The following AGTPBP1 variants were observed in gnomAD, a reference collection of about 807,000 sequenced individuals.
AGTPBP1 encodes cytosolic carboxypeptidase 1.
Under a neutral mutation model 143.9 loss-of-function variants are expected in AGTPBP1, and 70 were observed. The ratio of observed to expected loss-of-function variants is 0.49; its 90% CI spans 0.40 to 0.59. The LOEUF (loss-of-function observed/expected upper bound fraction) is 0.59, where lower values mean the gene tolerates loss of function less well. AGTPBP1 is among the 20% of genes least tolerant of loss of function. The pLI is 0.00. For synonymous variants in AGTPBP1, 463 were observed against 500.2 expected, an observed-to-expected ratio of 0.93 and a Z score of 0.99; for missense variants, 1,229 against 1,464.5, an observed-to-expected ratio of 0.84 and a Z score of 2.62.
At chr9:85,667,482 A>T (rs1834196677) in intron 8 of AGTPBP1, among the ~76,000 whole-genome samples, 1 of 152,176 alleles carries the variant, frequency 6.6e-6, no homozygotes, top group South Asian at 2.1e-4. Flanking sequence ...ATGAAATAAC[A>T]GATACAGGCA....
intron 8 of AGTPBP1, 49 bp downstream of exon 8, chr9:85,669,436 C>T: frequency 8.4e-7 from 1 of 1,193,918 alleles, no homozygotes; most frequent in Non-Finnish European, 1.2e-6. Flanking sequence ...TAATGAGGCC[C>T]AGAGTAACAA....
At chr9:85,765,209 G>C in the AGTPBP1 span, 1 of 254,428 alleles carries the variant, frequency 3.9e-6, no homozygotes. Flanking sequence ...CTCAGCTGGG[G>C]TTTCTCGTCT....
chr9:85,774,099 A>G, the AGTPBP1 span: 22 of 1,119,402 alleles, frequency 2.0e-5, no homozygotes, highest in South Asian at 2.6e-4. Context: ...GAAGGAAGAT[A>G]GGACAGAATT....
intron 25 of AGTPBP1, among the ~76,000 whole-genome samples, chr9:85,552,200 G>A (rs1826074476): frequency 6.6e-6 from 1 of 152,174 alleles, no homozygotes. Context: ...TTTCTGACAG[G>A]ATGAATGCAT....
Position 85,642,962 on chromosome 9 carries a change from T to C in AGTPBP1, c.1186-19A>G. On this transcript the variant is annotated intron_variant, in intron 12 of 25. Coordinates refer to ENST00000357081, the MANE Select transcript of AGTPBP1 (RefSeq NM_001330701.2). ...CATCATTCTGAAATGATAAAAAGAG[T>C]ATGTTATCAGGTAAAACAAAATTTT... 6.4e-7 allele frequency: 1 copy of C among 1,568,602 alleles called. No homozygotes were observed. The highest frequency in any genetic ancestry group is 8.7e-7 in the Non-Finnish European group (1 of 1,145,042).
chr9:85,564,372 C>T (rs1826942826), intron 25 of AGTPBP1, among the ~76,000 whole-genome samples: 1 of 152,320 alleles, frequency 6.6e-6, no homozygotes, highest in East Asian at 1.9e-4. Context: ...TTAGAAGCAC[C>T]TAACTTGGTT....
At chr9:85,767,031 A>T in the AGTPBP1 span, among the ~76,000 whole-genome samples, 1 of 151,278 alleles carries the variant, frequency 6.6e-6, no homozygotes, top group African/African-American at 2.4e-5. Flanking sequence ...TTTTTGGTAA[A>T]ATCCAGAAAC....
At chr9:85,617,759 G>A (rs945515476) in intron 17 of AGTPBP1, among the ~76,000 whole-genome samples, 2 of 151,954 alleles carry the variant, frequency 1.3e-5, no homozygotes, top group East Asian at 3.9e-4. Context: ...ATCATTAGCA[G>A]GAATTAATTA....
intron 1 of AGTPBP1, among the ~76,000 whole-genome samples, chr9:85,712,936 T>G (rs1837473628): frequency 6.6e-6 from 1 of 152,216 alleles, no homozygotes; most frequent in African/African-American, 2.4e-5. Flanking sequence ...ATTAGTGCAC[T>G]TACTGTACAC....
At chr9:85,570,404 G>A (rs888925591) in intron 25 of AGTPBP1, among the ~76,000 whole-genome samples, 3 of 152,090 alleles carry the variant, frequency 2.0e-5, no homozygotes, top group East Asian at 1.9e-4. Context: ...TTTCCTTCAC[G>A]TTCAGCTGCT....
the AGTPBP1 span, chr9:85,791,445 C>T: frequency 1.3e-5 from 2 of 152,060 alleles, no homozygotes; most frequent in Non-Finnish European, 2.9e-5. Context: ...GGACCCCACA[C>T]CACACTTACC....
At chr9:85,753,239 T>A in the AGTPBP1 span, 11 of 1,538,630 alleles carry the variant, frequency 7.1e-6, no homozygotes, top group Middle Eastern at 1.8e-4. Context: ...AAAAAAAAAA[T>A]TGTCATCAGT....
chr9:85,716,576 A>C (rs190190537), intron 1 of AGTPBP1, among the ~76,000 whole-genome samples: 1 of 152,156 alleles, frequency 6.6e-6, no homozygotes, highest in African/African-American at 2.4e-5. Flanking sequence ...CTCCTGTCCC[A>C]CATCCAATAC....
the AGTPBP1 span, among the ~76,000 whole-genome samples, chr9:85,769,520 CAAAAAA>C: frequency 0.027 from 1,633 of 60,882 alleles, 21 homozygotes; most frequent in African/African-American, 0.062. Context: ...ACCCTGTGTC[CAAAAAA>C]AAAAAAAAAA....
In AGTPBP1 at chr9:85,633,361, A is replaced by C; in HGVS notation, c.1316T>G (p.Ile439Ser). 6.4e-7 allele frequency: 1 copy of C among 1,569,114 alleles called. No homozygotes were observed. Among genetic ancestry groups the C allele is most frequent in the Non-Finnish European group, 8.6e-7 (1 of 1,165,012 alleles). Residue 439 changes from isoleucine to serine, a missense_variant, in exon 14 of 26, where the codon ATC (isoleucine) becomes AGC (serine). Coordinates refer to ENST00000357081, the MANE Select transcript of AGTPBP1 (RefSeq NM_001330701.2). ...LVDDFQDYDL[I>S]SKEPKPFVFE... ...TACAAAAGGCTTTGGTTCTTTGGAG[A>C]TTAAATCATAGTCCTTTGAAAATAA...
At chr9:85,770,411 G>A in the AGTPBP1 span, 7 of 1,603,840 alleles carry the variant, frequency 4.4e-6, no homozygotes, top group African/African-American at 1.3e-5. Flanking sequence ...CTCTCTCGTG[G>A]TGAAGCAAAT....
At chr9:85,766,806 T>A in the AGTPBP1 span, among the ~76,000 whole-genome samples, 5 of 152,248 alleles carry the variant, frequency 3.3e-5, no homozygotes, top group Admixed American at 6.5e-5. Flanking sequence ...GAGATTCTGA[T>A]GTGACACAAG....
the AGTPBP1 span, among the ~76,000 whole-genome samples, chr9:85,747,158 C>T: frequency 6.6e-6 from 1 of 152,118 alleles, no homozygotes; most frequent in Admixed American, 6.6e-5. Flanking sequence ...TGCTTGGCCC[C>T]AATTTTTATT....
At chr9:85,675,890 T>C (rs2134111434) in intron 6 of AGTPBP1, among the ~76,000 whole-genome samples, 1 of 152,230 alleles carries the variant, frequency 6.6e-6, no homozygotes, top group African/African-American at 2.4e-5. Flanking sequence ...ACGGGTATGG[T>C]GGCACATGCC....
Sources: allele counts gnomAD v4.1 joint callset (sites outside exome capture counted in the v4.1 genomes callset), GRCh38; gene constraint gnomAD v4.1.1; transcripts MANE v1.5; gene names NCBI Gene and HGNC (gene_info 2026-07-23, HGNC 2026-07-21).